NDUFA3: variants seen among roughly 807,000 people sequenced by gnomAD.
The protein encoded by NDUFA3 is NADH:ubiquinone oxidoreductase subunit A3, also known as NADH dehydrogenase [ubiquinone] 1 alpha subcomplex subunit 3.
Under a neutral mutation model 11.4 loss-of-function variants are expected in NDUFA3, and 10 were observed. That is an observed-to-expected ratio of 0.87 (90% CI 0.54 to 1.48). NDUFA3 has a LOEUF of 1.48. Among genes scored for constraint, NDUFA3 ranks in the 40% most tolerant of loss-of-function variants. The pLI is 0.00. For synonymous variants in NDUFA3, 39 were observed against 46.9 expected (o/e 0.83, Z 0.68); for missense variants, 115 against 110.5 (o/e 1.04, Z -0.18).
intron 3 of NDUFA3, 181 bp downstream of exon 3, chr19:54,106,192 C>T (rs2073255208): frequency 1.3e-5 from 8 of 637,994 alleles, no homozygotes; most frequent in South Asian, 2.0e-5. Flanking sequence ...GTTTGTGCTT[C>T]GTTTTTGTTT....
rs796770972 is a variant in NDUFA3 at position 54,105,264 on chromosome 19, C to CTTTTTTTTTTTTTTTTTTTTTTTTTTTTT, written c.86-649_86-648insTTTTTTTTTTTTTTTTTTTTTTTTTTTTT. The stretch of plus-strand genomic sequence containing the variant: ...ACCCTTTCTCCTCCAGTTTGTAAGG[C>CTTTTTTTTTTTTTTTTTTTTTTTTTTTTT]TTTTTTTTTTTTTTTTTTTTTGGTG... On this transcript the variant is annotated intron_variant, in intron 2 of 3. Coordinates refer to ENST00000485876, the MANE Select transcript of NDUFA3 (RefSeq NM_004542.4). Among the ~76,000 whole-genome samples, 17 of 71,260 alleles carry CTTTTTTTTTTTTTTTTTTTTTTTTTTTTT rather than the reference C, an allele frequency of 2.4e-4. 3 individuals are homozygous for CTTTTTTTTTTTTTTTTTTTTTTTTTTTTT. The highest frequency in any genetic ancestry group is 2.5e-4 in the Non-Finnish European group (10 of 39,668). The allele number at this position is 71,260 out of a possible 152,430, so 46.7% of individuals were successfully genotyped here. A position where few individuals can be genotyped will look rare whatever the true frequency, so the allele number is the denominator to read the frequency against.
At chr19:54,106,602 C>A in intron 3 of NDUFA3, 1 of 497,004 alleles carries the variant, frequency 2.0e-6, no homozygotes, top group Non-Finnish European at 3.5e-6. Flanking sequence ...CTCTCTAGTG[C>A]GCGGGATCTC....
chr19:54,103,275 C>A, intron 2 of NDUFA3, 87 bp downstream of exon 2: 2 of 1,357,314 alleles, frequency 1.5e-6, no homozygotes, highest in Non-Finnish European at 2.0e-6. Flanking sequence ...GCCCTATCGC[C>A]GCCCTCGGGT....
At position 54,107,043 on chromosome 19, in the gene NDUFA3, GCATGCGTCAGTCAGAGGCTGGGCTGGC is replaced by G. The variant is rs772860264; in HGVS notation, c.*144_*170del. The G allele has an allele frequency of 6.2e-7, 1 of 1,613,358 alleles. No individual in the cohort carries two copies. Among genetic ancestry groups the G allele is most frequent in the East Asian group, 2.2e-5 (1 of 44,888 alleles). The stretch of plus-strand genomic sequence containing the variant: ...GGTGAGTGTGGGGTCAGTTTATTGG[GCATGCGTCAGTCAGAGGCTGGGCTGGC>G]CAGGGTCGGGTAGGGCAGCAGTTTG... On this transcript the variant is annotated 3_prime_UTR_variant, in exon 4 of 4. Coordinates refer to ENST00000485876, the MANE Select transcript of NDUFA3 (RefSeq NM_004542.4).
intron 2 of NDUFA3, among the ~76,000 whole-genome samples, chr19:54,105,434 A>G (rs2073228477): frequency 6.6e-6 from 1 of 151,212 alleles, no homozygotes; most frequent in Admixed American, 6.6e-5. Context: ...ACGCCCGGCT[A>G]ATTTTCGTAT....
At chr19:54,105,274 T>C (rs1268515864) in intron 2 of NDUFA3, among the ~76,000 whole-genome samples, 3 of 134,792 alleles carry the variant, frequency 2.2e-5, no homozygotes, top group Non-Finnish European at 4.8e-5. Context: ...CTTTTTTTTT[T>C]TTTTTTTTTT....
At position 54,106,698 on chromosome 19, in the gene NDUFA3, C is replaced by T. The variant is rs905918357; in HGVS notation, c.164-113C>T. 7 of 795,998 alleles carry T rather than the reference C, an allele frequency of 8.8e-6. No individual in the cohort carries two copies. The South Asian group carries it at 1.4e-4, about 16-fold the overall frequency. 49.3% of individuals were successfully genotyped at this position (795,998 alleles called of 1,614,324 possible). On this transcript the variant is annotated intron_variant, in intron 3 of 3. Transcript: ENST00000485876. ...GCATCACTGATTCTCTGACCCTTCC[C>T]CTCTCACCCCTGGGGTCCCCCTTCC...
intron 2 of NDUFA3, among the ~76,000 whole-genome samples, chr19:54,104,773 C>A (rs1331721155): frequency 6.6e-6 from 1 of 151,280 alleles, no homozygotes; most frequent in East Asian, 1.9e-4. Flanking sequence ...CGGAGTTTCG[C>A]TTTTGTCCAG....
At chr19:54,104,942 T>C (rs1188992804) in intron 2 of NDUFA3, among the ~76,000 whole-genome samples, 2 of 152,036 alleles carry the variant, frequency 1.3e-5, no homozygotes, top group Non-Finnish European at 2.9e-5. Flanking sequence ...TTCATCATAT[T>C]GGTCAGGCTG....
chr19:54,102,867 G>T lies in NDUFA3; in HGVS notation c.-12G>T, dbSNP rs2073127373. ...CCGCGTCCTCGCCGCTGTCGCCGCCGCGGAGACAAAGATGGCTGCGAGTAA... is the reference window on the plus strand; with the variant it reads ...CCGCGTCCTCGCCGCTGTCGCCGCCTCGGAGACAAAGATGGCTGCGAGTAA... On this transcript the variant is annotated 5_prime_UTR_variant, in exon 1 of 4. Transcript: ENST00000485876. The T allele has an allele frequency of 6.2e-7, 1 of 1,609,294 alleles. No individual in the cohort carries two copies.
chr19:54,106,680 T>C, intron 3 of NDUFA3, 131 bp from the exon 4 acceptor site: 1 of 648,606 alleles, frequency 1.5e-6, no homozygotes, highest in Non-Finnish European at 2.5e-6. Context: ...TCTGCATCAC[T>C]GATTCTCTGA....
intron 2 of NDUFA3, chr19:54,105,676 T>C (rs1483908873): frequency 4.4e-6 from 3 of 688,828 alleles, no homozygotes; most frequent in Non-Finnish European, 8.2e-6. Flanking sequence ...CCAACCCCAC[T>C]GCTGCCTCCT....
intron 2 of NDUFA3, among the ~76,000 whole-genome samples, chr19:54,104,845 T>A (rs1238242721): frequency 2.0e-5 from 3 of 152,008 alleles, no homozygotes; most frequent in Non-Finnish European, 4.4e-5. Context: ...TTCAAGCGAT[T>A]CTCCTGTCTC....
intron 3 of NDUFA3, 86 bp downstream of exon 3, chr19:54,106,097 A>G: frequency 1.5e-6 from 2 of 1,330,776 alleles, no homozygotes; most frequent in Non-Finnish European, 2.2e-6. Flanking sequence ...GTCTTTCCTA[A>G]GCAGTTATCA....
intron 2 of NDUFA3, chr19:54,105,706 G>T: frequency 1.4e-6 from 1 of 690,978 alleles, no homozygotes; most frequent in Non-Finnish European, 2.7e-6. Flanking sequence ...ACGTATCTGT[G>T]AGTGTTAGGC....
At position 54,105,978 on chromosome 19, in the gene NDUFA3, A is replaced by G. The variant is rs776295916; in HGVS notation, c.130A>G (p.Met44Val). ...GAGCCCCTACTTCAAGTACTCCGTC[A>G]TGATCAACAAGGCCACGCCCTACAA... ...PLSPYFKYSV[M>V]INKATPYNYP... The change falls in exon 3 of 4, where the codon ATG becomes GTG. Residue 44 changes from methionine (M) to valine (V), a missense_variant. Physicochemically the swap from Met to Val is conservative, Grantham distance 21. Transcript: ENST00000485876. 5 of 1,613,922 alleles carry G rather than the reference A, an allele frequency of 3.1e-6. No homozygotes were observed. In the South Asian group the frequency reaches 4.4e-5, roughly 14 times the overall value.
intron 2 of NDUFA3, among the ~76,000 whole-genome samples, chr19:54,103,659 G>A (rs1221165389): frequency 6.6e-6 from 1 of 151,920 alleles, no homozygotes; most frequent in East Asian, 1.9e-4. Context: ...TTCCTGCAGG[G>A]ATGGGGGCGG....
intron 3 of NDUFA3, chr19:54,106,306 A>G (rs2073258379): frequency 2.2e-6 from 1 of 444,600 alleles, no homozygotes; most frequent in Non-Finnish European, 4.0e-6. Context: ...AGCTGGGACT[A>G]CAGGTGCCCG....
Position 54,106,983 on chromosome 19 carries a change from G to T in NDUFA3, c.*81G>T. On this transcript the variant is annotated 3_prime_UTR_variant, in exon 4 of 4. Coordinates refer to ENST00000485876, the MANE Select transcript of NDUFA3 (RefSeq NM_004542.4). Reference sequence around the variant, plus strand: ...CCAACCCCCGAACGTGAGCATGTGTGTGATCAGAGGTGGGAACAAGTAGAC... The same window carrying T: ...CCAACCCCCGAACGTGAGCATGTGTTTGATCAGAGGTGGGAACAAGTAGAC... 6.2e-7 allele frequency: 1 copy of T among 1,603,402 alleles called. No homozygotes were observed. The highest frequency in any genetic ancestry group is 2.2e-5 in the East Asian group (1 of 44,658).
Sources: allele counts gnomAD v4.1 joint callset (sites outside exome capture counted in the v4.1 genomes callset), GRCh38; gene constraint gnomAD v4.1.1; transcripts MANE v1.5; gene names NCBI Gene and HGNC (gene_info 2026-07-23, HGNC 2026-07-21).